The following NETO1 variants were observed in gnomAD, a reference collection of about 807,000 sequenced individuals.
NETO1 encodes the protein neuropilin and tolloid like 1.
In NETO1, 26 loss-of-function variants were observed where a neutral mutation model predicts 61.3. That is an observed-to-expected ratio of 0.42 (90% CI 0.31 to 0.59). NETO1 has a LOEUF of 0.59. NETO1 is among the 20% of genes least tolerant of loss of function. NETO1 has a pLI of 0.12. For synonymous variants in NETO1, 225 were observed against 225.8 expected (o/e 1.00, Z 0.03); for missense variants, 531 against 662.8 (o/e 0.80, Z 2.18).
chr18:72,806,509 TTAATCTCTCTAAA>T (rs1440225138), intron 4 of NETO1, among the ~76,000 whole-genome samples: 1 of 152,178 alleles, frequency 6.6e-6, no homozygotes, highest in East Asian at 1.9e-4. Context: ...TTCTGAAAAA[TTAATCTCTCTAAA>T]TCGAATTCTC....
At position 72,851,658 on chromosome 18, in the gene NETO1, A is replaced by G. The variant is rs114036017; in HGVS notation, c.469+7168T>C. ...ACAATTGAGGTAGAAGGAGAGACGAAAAACCATCCTTTCTTTGGACATTGC... is the reference window on the plus strand; with the variant it reads ...ACAATTGAGGTAGAAGGAGAGACGAGAAACCATCCTTTCTTTGGACATTGC... On this transcript the variant is annotated intron_variant, in intron 4 of 10. Transcript: ENST00000327305. 5.2e-3 allele frequency among the ~76,000 whole-genome samples: 796 copies of G among 152,310 alleles called. 9 individuals carry two copies. The highest frequency in any genetic ancestry group is 0.019 in the African/African-American group (771 of 41,562).
intron 4 of NETO1, among the ~76,000 whole-genome samples, chr18:72,836,991 G>C (rs955717666): frequency 6.6e-6 from 1 of 152,170 alleles, no homozygotes; most frequent in Non-Finnish European, 1.5e-5. Context: ...CCAGGAATCC[G>C]TGATTGACTG....
intron 7 of NETO1, among the ~76,000 whole-genome samples, chr18:72,768,299 G>T (rs1159784732): frequency 6.6e-6 from 1 of 151,838 alleles, no homozygotes; most frequent in Non-Finnish European, 1.5e-5. Context: ...TTATATAAAA[G>T]AACACTTATT....
At chr18:72,752,533 C>T (rs892839246) in intron 8 of NETO1, among the ~76,000 whole-genome samples, 4 of 151,978 alleles carry the variant, frequency 2.6e-5, no homozygotes, top group Non-Finnish European at 5.9e-5. Context: ...AACTACAAGT[C>T]CTGGGAGGAA....
chr18:72,799,303 G>C (rs1266670767), intron 4 of NETO1, among the ~76,000 whole-genome samples: 1 of 152,198 alleles, frequency 6.6e-6, no homozygotes, highest in Non-Finnish European at 1.5e-5. Context: ...GGGATGACGA[G>C]TCTACCAGTA....
intron 4 of NETO1, among the ~76,000 whole-genome samples, chr18:72,842,155 C>A (rs951128761): frequency 6.6e-6 from 1 of 152,026 alleles, no homozygotes; most frequent in African/African-American, 2.4e-5. Flanking sequence ...CAGAGTAGTG[C>A]CTGTGGGGGG....
At chr18:72,794,654 T>A (rs996689018) in intron 4 of NETO1, among the ~76,000 whole-genome samples, 5 of 152,208 alleles carry the variant, frequency 3.3e-5, no homozygotes, top group African/African-American at 7.2e-5. Flanking sequence ...TTTTTTCTAA[T>A]GCCTTTCCTG....
intron 4 of NETO1, among the ~76,000 whole-genome samples, chr18:72,829,466 T>C (rs2073501735): frequency 6.6e-6 from 1 of 152,204 alleles, no homozygotes; most frequent in Non-Finnish European, 1.5e-5. Flanking sequence ...ATTATTATCA[T>C]TACTGCTATG....
At chr18:72,743,015 T>C (rs1024671038), downstream of NETO1, among the ~76,000 whole-genome samples, 17 of 152,158 alleles carry the variant, frequency 1.1e-4, no homozygotes, top group Admixed American at 5.2e-4. Context: ...ACTGTTTTGA[T>C]TCTACTGTAT....
At chr18:72,810,772 G>A (rs2072840193) in intron 4 of NETO1, among the ~76,000 whole-genome samples, 1 of 152,128 alleles carries the variant, frequency 6.6e-6, no homozygotes, top group African/African-American at 2.4e-5. Flanking sequence ...TCATTAAGAG[G>A]TGAGAAAAAT....
At chr18:72,794,518 A>T in intron 4 of NETO1, 114 bp from the exon 5 acceptor site, 1 of 969,100 alleles carries the variant, frequency 1.0e-6, no homozygotes, top group Non-Finnish European at 1.6e-6. Flanking sequence ...CACATTAGGG[A>T]AAAGTAAAAA....
intron 4 of NETO1, chr18:72,834,710 T>A: frequency 1.0e-6 from 1 of 985,094 alleles, no homozygotes; most frequent in Non-Finnish European, 1.2e-6. Context: ...AATAATACGC[T>A]CTCTTCAGCT....
intron 7 of NETO1, among the ~76,000 whole-genome samples, chr18:72,767,252 A>G (rs940087328): frequency 6.6e-6 from 1 of 152,172 alleles, no homozygotes; most frequent in African/African-American, 2.4e-5. Context: ...TTTCCATATA[A>G]CAAACATATG....
intron 7 of NETO1, among the ~76,000 whole-genome samples, chr18:72,783,067 T>A (rs2145227377): frequency 6.6e-6 from 1 of 152,334 alleles, no homozygotes; most frequent in South Asian, 2.1e-4. Context: ...TTCTAACAAA[T>A]ATTCAGAATA....
chr18:72,794,152 A>C lies in NETO1; in HGVS notation c.604T>G (p.Cys202Gly). ...GKATASEAVD[C>G]KWYIRAPPRS... ...GGAGGTGCTCGGATGTACCACTTGC[A>C]ATCAACAGCCTCGCTAGCAGTAGCT... The change falls in exon 6 of 11, where the codon TGC becomes GGC. Residue 202 changes from cysteine to glycine, a missense_variant. Physicochemically the swap from Cys to Gly is radical, Grantham distance 159. Coordinates refer to ENST00000327305, the MANE Select transcript of NETO1 (RefSeq NM_138966.5). 1 of 1,614,194 alleles carries C rather than the reference A, an allele frequency of 6.2e-7. No individual in the cohort carries two copies. Among genetic ancestry groups the C allele is most frequent in the South Asian group, 1.1e-5 (1 of 91,082 alleles).
At chr18:72,800,427 GA>G (rs768621754) in intron 4 of NETO1, among the ~76,000 whole-genome samples, 21 of 152,092 alleles carry the variant, frequency 1.4e-4, no homozygotes, top group Non-Finnish European at 2.5e-4. Flanking sequence ...TAACCGAAAT[GA>G]GATCAGAGAG....
At chr18:72,867,119 G>A in intron 1 of NETO1, 145 bp downstream of exon 1, 1 of 588,014 alleles carries the variant, frequency 1.7e-6, no homozygotes, top group Non-Finnish European at 2.7e-6. Flanking sequence ...CTGCAATACA[G>A]AAAGTTTACG....
chr18:72,766,131 A>G (rs1158757782), intron 7 of NETO1, among the ~76,000 whole-genome samples: 5 of 151,846 alleles, frequency 3.3e-5, no homozygotes, highest in African/African-American at 1.2e-4. Flanking sequence ...GTTTGAACCC[A>G]GGAGGTGGAG....
At position 72,745,290 on chromosome 18, in the gene NETO1, C is replaced by A. The variant is rs893310145; in HGVS notation, c.*2889G>T. ...AATAAATCAGATTTCCAAATTAGAA[C>A]CTTGAAATTAGGCAACTACAATACA... On this transcript the variant is annotated 3_prime_UTR_variant, in exon 11 of 11. Coordinates refer to ENST00000327305, the MANE Select transcript of NETO1 (RefSeq NM_138966.5). 2 of 152,026 alleles carry A rather than the reference C, an allele frequency of 1.3e-5. No individual in the cohort carries two copies. The highest frequency in any genetic ancestry group is 4.8e-5 in the African/African-American group (2 of 41,380). 9.4% of individuals were successfully genotyped at this position (152,026 alleles called of 1,614,324 possible).
Sources: allele counts gnomAD v4.1 joint callset (sites outside exome capture counted in the v4.1 genomes callset), GRCh38; gene constraint gnomAD v4.1.1; transcripts MANE v1.5; gene names NCBI Gene and HGNC (gene_info 2026-07-23, HGNC 2026-07-21).